The following PDE4D variants were observed in gnomAD, a reference collection of about 807,000 sequenced individuals.
PDE4D encodes the protein 3',5'-cyclic-AMP phosphodiesterase 4D.
Under a neutral mutation model 87.4 loss-of-function variants are expected in PDE4D, and 24 were observed. The observed-to-expected ratio is 0.27, with a 90% CI of 0.20 to 0.39. The LOEUF (loss-of-function observed/expected upper bound fraction) is 0.39. PDE4D is among the 10% of genes least tolerant of loss of function. The pLI is 1.00. For missense variants in PDE4D, 714 were observed against 1,041.0 expected (o/e 0.69, Z 4.32); for synonymous variants, 384 against 383.2 (o/e 1.00, Z -0.02).
At chr5:60,250,189 A>C (rs540890024) in intron 1 of PDE4D, among the ~76,000 whole-genome samples, 39 of 152,088 alleles carry the variant, frequency 2.6e-4, no homozygotes, top group Middle Eastern at 3.4e-3. Flanking sequence ...CTTATAAGTT[A>C]TTACTCATTT....
rs1224442188 is a variant in PDE4D, at chr5:58,977,351, A to T, written c.1553-6T>A. On this transcript the variant is annotated splice_region_variant and splice_polypyrimidine_tract_variant and intron_variant, in intron 11 of 14. Transcript: ENST00000340635. ...CATCAAGGCAAGTTCAGAGTCTGTA[A>T]AAAAGACAAAAGGCCAAAGATCAGC... is the stretch of plus-strand genomic sequence containing the variant. 6.2e-7 allele frequency: 1 copy of T among 1,600,500 alleles called. No homozygotes were observed. Among genetic ancestry groups the T allele is most frequent in the East Asian group, 2.2e-5 (1 of 44,782 alleles).
chr5:59,687,909 G>A (rs1750188553), intron 1 of PDE4D, among the ~76,000 whole-genome samples: 1 of 152,022 alleles, frequency 6.6e-6, no homozygotes, highest in South Asian at 2.1e-4. Flanking sequence ...AAAAAGGTGG[G>A]GTTGCAATCC....
intron 1 of PDE4D, among the ~76,000 whole-genome samples, chr5:59,338,753 T>A (rs570289018): frequency 6.6e-6 from 1 of 152,328 alleles, no homozygotes; most frequent in Non-Finnish European, 1.5e-5. Flanking sequence ...GGCAGAAATG[T>A]CTAATTTGAA....
chr5:59,447,842 T>A (rs1582650407), intron 1 of PDE4D, among the ~76,000 whole-genome samples: 1 of 152,198 alleles, frequency 6.6e-6, no homozygotes, highest in East Asian at 1.9e-4. Context: ...CTGTGGCATT[T>A]CTAAACAGAA....
intron 1 of PDE4D, among the ~76,000 whole-genome samples, chr5:60,334,270 T>A (rs573024395): frequency 6.6e-6 from 1 of 152,298 alleles, no homozygotes; most frequent in Non-Finnish European, 1.5e-5. Flanking sequence ...TGATTACTAG[T>A]GCCCTACTGA....
chr5:59,798,174 A>G lies in PDE4D; in HGVS notation c.455+94994T>C, dbSNP rs1411032382. On this transcript the variant is annotated intron_variant, in intron 1 of 14. Coordinates refer to ENST00000340635, the MANE Select transcript of PDE4D (RefSeq NM_001104631.2). Reference sequence around the variant, plus strand: ...CTTGCACCTGGGAGGTTGAGGCTGCAGTGAGCTGTGATTGCACCACTACAC... The same window carrying G: ...CTTGCACCTGGGAGGTTGAGGCTGCGGTGAGCTGTGATTGCACCACTACAC... 2.0e-5 allele frequency among the ~76,000 whole-genome samples: 3 copies of G among 151,972 alleles called. No homozygotes were observed. The East Asian group carries it at 5.8e-4, about 29-fold the overall frequency.
At chr5:59,136,014 A>G (rs1184374401) in intron 5 of PDE4D, among the ~76,000 whole-genome samples, 1 of 117,482 alleles carries the variant, frequency 8.5e-6, no homozygotes, top group Non-Finnish European at 1.8e-5. Flanking sequence ...AAATATTTTA[A>G]AAGACTAAAT....
chr5:59,548,947 G>A (rs1191133637), intron 1 of PDE4D, among the ~76,000 whole-genome samples: 12 of 152,110 alleles, frequency 7.9e-5, no homozygotes, highest in Non-Finnish European at 1.8e-4. Context: ...AGAAATAGGA[G>A]TTAGGGGTGG....
In PDE4D at chr5:59,118,558, G is replaced by A. The variant is rs577953398; in HGVS notation, c.808+62037C>T. ...TTACTCAAAAAAAATAGGCCTCATG[G>A]ACTTTATGACACTGTTGCAACTACA... On this transcript the variant is annotated intron_variant, in intron 5 of 14. Transcript: ENST00000340635. 2.0e-5 allele frequency among the ~76,000 whole-genome samples: 3 copies of A among 152,286 alleles called. No homozygotes were observed. The South Asian group carries it at 6.2e-4, about 32-fold the overall frequency.
chr5:60,446,981 C>A (rs1006695648), intron 1 of PDE4D, among the ~76,000 whole-genome samples: 2 of 152,110 alleles, frequency 1.3e-5, no homozygotes, highest in Non-Finnish European at 2.9e-5. Flanking sequence ...GGCAAATTCT[C>A]CAGGAATGAT....
chr5:59,753,125 A>G (rs934737981), intron 1 of PDE4D, among the ~76,000 whole-genome samples: 5 of 152,202 alleles, frequency 3.3e-5, no homozygotes, highest in African/African-American at 4.8e-5. Context: ...CCTCTGCTAT[A>G]GATAGTGGAC....
intron 1 of PDE4D, among the ~76,000 whole-genome samples, chr5:60,246,974 A>G (rs1747848868): frequency 6.6e-6 from 1 of 152,048 alleles, no homozygotes; most frequent in South Asian, 2.1e-4. Context: ...TTTCCATACT[A>G]CACAAGTAGT....
At chr5:60,136,626 T>C (rs553587772) in intron 2 of PDE4D, among the ~76,000 whole-genome samples, 1 of 152,302 alleles carries the variant, frequency 6.6e-6, no homozygotes, top group Admixed American at 6.5e-5. Context: ...CACACATTCC[T>C]TTTTTATTAT....
intron 1 of PDE4D, among the ~76,000 whole-genome samples, chr5:59,794,722 A>T (rs1388455465): frequency 1.3e-5 from 2 of 152,192 alleles, no homozygotes; most frequent in Non-Finnish European, 2.9e-5. Flanking sequence ...GGCATTCAAA[A>T]CAACTCTTTG....
intron 1 of PDE4D, among the ~76,000 whole-genome samples, chr5:59,554,123 G>C (rs571022473): frequency 1.2e-4 from 19 of 152,252 alleles, no homozygotes; most frequent in Non-Finnish European, 2.1e-4. Context: ...TAGAGTCTCA[G>C]ATCCTAAGTC....
intron 1 of PDE4D, among the ~76,000 whole-genome samples, chr5:59,391,592 C>T (rs913315893): frequency 6.6e-6 from 1 of 152,094 alleles, no homozygotes; most frequent in Non-Finnish European, 1.5e-5. Flanking sequence ...ATCTTGTTAA[C>T]ATCTGTTTAA....
chr5:60,266,243 T>C (rs78158715), intron 1 of PDE4D, among the ~76,000 whole-genome samples: 2,140 of 152,292 alleles, frequency 0.014, 21 homozygotes, highest in Non-Finnish European at 0.023. Context: ...TTAAATCTCT[T>C]GCAAGAAGTG....
intron 1 of PDE4D, among the ~76,000 whole-genome samples, chr5:59,324,118 T>C (rs954355467): frequency 6.6e-6 from 1 of 152,144 alleles, no homozygotes; most frequent in Admixed American, 6.6e-5. Flanking sequence ...TCAGATCAGA[T>C]AACATTTTCA....
At chr5:59,049,827 C>T (rs936750543) in intron 5 of PDE4D, among the ~76,000 whole-genome samples, 16 of 152,176 alleles carry the variant, frequency 1.1e-4, no homozygotes, top group African/African-American at 3.4e-4. Flanking sequence ...TATTCGGAAT[C>T]GCTATCTCTG....
Sources: gnomAD v4.1 joint callset for allele counts (sites outside exome capture counted in the v4.1 genomes callset) on GRCh38, gnomAD v4.1.1 for gene constraint, MANE v1.5 for transcripts, NCBI Gene and HGNC (gene_info 2026-07-23, HGNC 2026-07-21) for gene names.